The following NDFIP2 variants were observed in gnomAD, a reference collection of about 807,000 sequenced individuals.
The protein encoded by NDFIP2 is Nedd4 family interacting protein 2.
NDFIP2 carries 19 observed loss-of-function variants against 36.0 expected under a neutral mutation model. That is an observed-to-expected ratio of 0.53 (90% CI 0.37 to 0.77). The LOEUF is 0.77. Among genes scored for constraint, NDFIP2 ranks in the 30% least tolerant of loss-of-function variants. The probability of loss-of-function intolerance (pLI) is 0.00; values close to 1 mark genes in which losing one functional copy is unlikely to be tolerated. For missense variants in NDFIP2, 446 were observed against 435.8 expected (o/e 1.02, Z -0.21); for synonymous variants, 181 against 167.7 (o/e 1.08, Z -0.61).
rs146789126 is a variant in NDFIP2 at position 79,483,859 on chromosome 13, T to C, written c.321+2335T>C. Among the ~76,000 whole-genome samples the C allele has an allele frequency of 3.0e-3, 450 of 152,344 alleles. 4 individuals carry two copies. Among genetic ancestry groups the C allele is most frequent in the African/African-American group, 0.01 (416 of 41,578 alleles). ...CAAAAATTCTTGATTGTTACCCTTC[T>C]AATTTCAGAAAAAGCCAGGTATGAC... On this transcript the variant is annotated intron_variant, in intron 1 of 7. Transcript: ENST00000218652.
At chr13:79,527,554 A>G (rs1008498560) in intron 2 of NDFIP2, among the ~76,000 whole-genome samples, 1 of 152,160 alleles carries the variant, frequency 6.6e-6, no homozygotes, top group African/African-American at 2.4e-5. Flanking sequence ...TCATCTAGTG[A>G]CATGGTAGCT....
At position 79,556,002 on chromosome 13, in the gene NDFIP2, T is replaced by C. The variant is rs1045710203; in HGVS notation, c.*3489T>C. The stretch of plus-strand genomic sequence containing the variant: ...GGTTGGGGTTGCAACATCTTTTAAC[T>C]TCTCAGTTATTTGTATGTCAGGAGA... On this transcript the variant is annotated 3_prime_UTR_variant, in exon 8 of 8. Transcript: ENST00000218652. 9 of 152,192 alleles carry C rather than the reference T, an allele frequency of 5.9e-5. No individual in the cohort carries two copies. The highest frequency in any genetic ancestry group is 2.2e-4 in the African/African-American group (9 of 41,466). The allele number at this position is 152,192 out of a possible 1,614,324, so 9.4% of individuals were successfully genotyped here. A position where few individuals can be genotyped will look rare whatever the true frequency, so the allele number is the denominator to read the frequency against.
intron 1 of NDFIP2, among the ~76,000 whole-genome samples, chr13:79,513,141 TACCA>T (rs1933616723): frequency 6.6e-6 from 1 of 152,128 alleles, no homozygotes; most frequent in South Asian, 2.1e-4. Context: ...GCTGGCTGGG[TACCA>T]ACCAGTTGCC....
At chr13:79,533,876 G>A (rs886352507) in intron 3 of NDFIP2, among the ~76,000 whole-genome samples, 1 of 152,062 alleles carries the variant, frequency 6.6e-6, no homozygotes, top group African/African-American at 2.4e-5. Flanking sequence ...CAGGTGGGTC[G>A]GTGTCCCTAA....
chr13:79,517,158 C>G (rs922088871), intron 1 of NDFIP2, among the ~76,000 whole-genome samples: 3 of 152,120 alleles, frequency 2.0e-5, no homozygotes, highest in African/African-American at 7.2e-5. Flanking sequence ...TTTCACCACC[C>G]TGGTTGATAC....
At chr13:79,491,237 T>A (rs1451198772) in intron 1 of NDFIP2, among the ~76,000 whole-genome samples, 3 of 152,248 alleles carry the variant, frequency 2.0e-5, no homozygotes, top group Non-Finnish European at 4.4e-5. Context: ...TTGATAAAGA[T>A]GAATGAATGG....
chr13:79,487,394 T>TG (rs1223365684), intron 1 of NDFIP2, among the ~76,000 whole-genome samples: 20 of 152,348 alleles, frequency 1.3e-4, no homozygotes, highest in Admixed American at 1.2e-3. Context: ...ATAAATCGAA[T>TG]GAATACACTG....
intron 1 of NDFIP2, among the ~76,000 whole-genome samples, chr13:79,508,132 A>T (rs1873941281): frequency 6.6e-6 from 1 of 152,200 alleles, no homozygotes; most frequent in Non-Finnish European, 1.5e-5. Context: ...ATCATGGGAT[A>T]ATAGTTATTT....
chr13:79,511,473 A>C (rs893395335), intron 1 of NDFIP2, among the ~76,000 whole-genome samples: 1 of 152,220 alleles, frequency 6.6e-6, no homozygotes, highest in African/African-American at 2.4e-5. Flanking sequence ...TTAGGGTCAG[A>C]TATTTACTTA....
chr13:79,523,729 A>G (rs1196305436), intron 2 of NDFIP2, among the ~76,000 whole-genome samples: 1 of 152,178 alleles, frequency 6.6e-6, no homozygotes, highest in Non-Finnish European at 1.5e-5. Flanking sequence ...ATATGATGAG[A>G]TGAAGTGAGG....
chr13:79,509,681 A>G (rs1209075610), intron 1 of NDFIP2, among the ~76,000 whole-genome samples: 1 of 95,142 alleles, frequency 1.1e-5, no homozygotes, highest in African/African-American at 4.6e-5. Flanking sequence ...TTATCGATAT[A>G]TATATATATA....
At chr13:79,497,187 G>T (rs1225337178) in intron 1 of NDFIP2, among the ~76,000 whole-genome samples, 2 of 151,926 alleles carry the variant, frequency 1.3e-5, no homozygotes, top group Admixed American at 6.6e-5. Context: ...TTGTAAGCTG[G>T]GTCTCTTATG....
intron 2 of NDFIP2, among the ~76,000 whole-genome samples, chr13:79,521,975 C>T (rs1179975958): frequency 3.3e-5 from 5 of 151,888 alleles, no homozygotes; most frequent in Admixed American, 6.6e-5. Flanking sequence ...CAGGCGCCCA[C>T]GACCACGCCT....
chr13:79,547,315 A>G (rs1875725326), intron 5 of NDFIP2, among the ~76,000 whole-genome samples: 1 of 152,194 alleles, frequency 6.6e-6, no homozygotes, highest in Non-Finnish European at 1.5e-5. Flanking sequence ...TTATAAAGTT[A>G]CAAATACTTT....
At chr13:79,540,732 T>C (rs1248810799) in intron 4 of NDFIP2, among the ~76,000 whole-genome samples, 6 of 152,216 alleles carry the variant, frequency 3.9e-5, no homozygotes, top group Non-Finnish European at 8.8e-5. Context: ...CCTCCAAGTT[T>C]GAAATGGTTT....
At position 79,504,742 on chromosome 13, in the gene NDFIP2, G is replaced by A. The variant is rs573776500; in HGVS notation, c.322-16068G>A. On this transcript the variant is annotated intron_variant, in intron 1 of 7. Coordinates refer to ENST00000218652, the MANE Select transcript of NDFIP2 (RefSeq NM_019080.3). ...CACTCACTGGTTTTAAAATTCATTG[G>A]TGGTTCTTGCCTTAAATAGTTATAA... Among the ~76,000 whole-genome samples, 31 of 152,080 alleles carry A rather than the reference G, an allele frequency of 2.0e-4. No homozygotes were observed. The South Asian group carries it at 6.4e-3, about 32-fold the overall frequency.
At chr13:79,496,955 C>T (rs1474643524) in intron 1 of NDFIP2, among the ~76,000 whole-genome samples, 2 of 151,898 alleles carry the variant, frequency 1.3e-5, no homozygotes, top group Non-Finnish European at 2.9e-5. Context: ...TTTCCTGAAA[C>T]GTAGTTGTAA....
chr13:79,514,897 T>C (rs1278294786), intron 1 of NDFIP2, among the ~76,000 whole-genome samples: 1 of 152,234 alleles, frequency 6.6e-6, no homozygotes, highest in East Asian at 1.9e-4. Flanking sequence ...TTCCAGATTA[T>C]ATCATTTTCA....
rs1454220932 is a variant in NDFIP2 at position 79,507,976 on chromosome 13, A to G, written c.322-12834A>G. On this transcript the variant is annotated intron_variant, in intron 1 of 7. Coordinates refer to ENST00000218652, the MANE Select transcript of NDFIP2 (RefSeq NM_019080.3). ...CTTTGAATACTTACATGTATGCCTT[A>G]TTATAATGTATATTTTAGTTTTAGA... Among the ~76,000 whole-genome samples the G allele has an allele frequency of 4.6e-5, 7 of 152,134 alleles. No individual in the cohort carries two copies. The East Asian group carries it at 5.8e-4, about 13-fold the overall frequency.
Sources: gnomAD v4.1 joint callset for allele counts (sites outside exome capture counted in the v4.1 genomes callset) on GRCh38, gnomAD v4.1.1 for gene constraint, MANE v1.5 for transcripts, NCBI Gene and HGNC (gene_info 2026-07-23, HGNC 2026-07-21) for gene names.